Variants in SLC25A48 observed in about 807,000 individuals in gnomAD.
SLC25A48 encodes CTC-321K16.1.
Under a neutral mutation model 32.2 loss-of-function variants are expected in SLC25A48, and 29 were observed. The ratio of observed to expected loss-of-function variants is 0.90; its 90% CI spans 0.67 to 1.23. The LOEUF is 1.23. Among genes scored for constraint, SLC25A48 ranks in the 50% most tolerant of loss-of-function variants. The pLI is 0.00. For synonymous variants in SLC25A48, 164 were observed against 172.3 expected, an observed-to-expected ratio of 0.95 and a Z score of 0.38; for missense variants, 399 against 422.7, an observed-to-expected ratio of 0.94 and a Z score of 0.49.
At chr5:135,868,877 A>G (rs944146838) in intron 4 of SLC25A48, among the ~76,000 whole-genome samples, 27 of 152,304 alleles carry the variant, frequency 1.8e-4, no homozygotes, top group African/African-American at 6.3e-4. Context: ...CATCATACCC[A>G]TAGCTGATTC....
At chr5:135,585,864 T>C (rs2126872430) in intron 1 of SLC25A48, among the ~76,000 whole-genome samples, 1 of 152,296 alleles carries the variant, frequency 6.6e-6, no homozygotes, top group Admixed American at 6.5e-5. Flanking sequence ...ACATAGTAAG[T>C]GTTCCATAAA....
At chr5:135,832,448 C>T (rs922941559), upstream of SLC25A48, among the ~76,000 whole-genome samples, 5 of 152,084 alleles carry the variant, frequency 3.3e-5, no homozygotes, top group African/African-American at 1.2e-4. Flanking sequence ...GGCAGGTGGA[C>T]ATGGGGAGGG....
chr5:135,627,753 T>C (rs1037349374), intron 1 of SLC25A48, among the ~76,000 whole-genome samples: 1 of 112 alleles, frequency 8.9e-3, no homozygotes, highest in African/African-American at 0.025. Flanking sequence ...CATGTGCATA[T>C]ACAGGTATTT....
At chr5:135,816,811 G>T (rs1757731495) in intron 4 of SLC25A48, among the ~76,000 whole-genome samples, 1 of 152,124 alleles carries the variant, frequency 6.6e-6, no homozygotes, top group African/African-American at 2.4e-5. Flanking sequence ...AAGAGAAAGA[G>T]AACAAATGAG....
At chr5:135,873,794 C>T (rs1761847976) in intron 5 of SLC25A48, among the ~76,000 whole-genome samples, 1 of 152,194 alleles carries the variant, frequency 6.6e-6, no homozygotes, top group South Asian at 2.1e-4. Context: ...TACTGCCATC[C>T]CATTTTACAG....
intron 3 of SLC25A48, among the ~76,000 whole-genome samples, chr5:135,643,867 A>G (rs750177752): frequency 1.3e-4 from 20 of 152,180 alleles, no homozygotes; most frequent in Non-Finnish European, 2.6e-4. Context: ...GTTTAGCGCT[A>G]TGATTATCAT....
At chr5:135,878,657 A>G (rs1358156613) in intron 6 of SLC25A48, among the ~76,000 whole-genome samples, 1 of 152,140 alleles carries the variant, frequency 6.6e-6, no homozygotes, top group Non-Finnish European at 1.5e-5. Flanking sequence ...CTCTGATACC[A>G]CAGTGCCCAG....
At chr5:135,737,963 A>G (rs1375660208) in intron 3 of SLC25A48, among the ~76,000 whole-genome samples, 1 of 152,188 alleles carries the variant, frequency 6.6e-6, no homozygotes, top group African/African-American at 2.4e-5. Flanking sequence ...GCAGAGCGAC[A>G]TCATTGGAAA....
At chr5:135,733,715 C>A (rs763887050) in intron 3 of SLC25A48, among the ~76,000 whole-genome samples, 8 of 152,122 alleles carry the variant, frequency 5.3e-5, no homozygotes, top group Non-Finnish European at 1.5e-5. Flanking sequence ...GACCACACAG[C>A]CCTGCACTTC....
intron 7 of SLC25A48, among the ~76,000 whole-genome samples, chr5:135,885,164 A>G (rs921375723): frequency 2.0e-5 from 3 of 152,158 alleles, no homozygotes; most frequent in African/African-American, 4.8e-5. Context: ...TGAAACTGCT[A>G]TTGAAGGCCT....
chr5:135,745,533 C>T (rs995103470), intron 3 of SLC25A48, among the ~76,000 whole-genome samples: 5 of 152,060 alleles, frequency 3.3e-5, no homozygotes, highest in African/African-American at 1.2e-4. Context: ...GCAAGATTCC[C>T]TCTGGAAAAA....
At chr5:135,804,337 A>G (rs1432640702) in intron 3 of SLC25A48, among the ~76,000 whole-genome samples, 1 of 151,718 alleles carries the variant, frequency 6.6e-6, no homozygotes, top group Admixed American at 6.6e-5. Flanking sequence ...GGCGACATTA[A>G]GAGTAATATC....
At chr5:135,782,157 AG>A in intron 3 of SLC25A48, among the ~76,000 whole-genome samples, 1 of 115,720 alleles carries the variant, frequency 8.6e-6, no homozygotes, top group East Asian at 2.2e-4. Flanking sequence ...AATATCAAGG[AG>A]GGGAGACGAT....
intron 3 of SLC25A48, among the ~76,000 whole-genome samples, chr5:135,763,914 C>T (rs902149981): frequency 5.3e-5 from 8 of 152,156 alleles, no homozygotes; most frequent in African/African-American, 1.9e-4. Context: ...CGCTCTGCCG[C>T]CCAGGCTGAG....
chr5:135,703,345 G>T (rs1024678831), intron 3 of SLC25A48, among the ~76,000 whole-genome samples: 2 of 152,140 alleles, frequency 1.3e-5, no homozygotes, highest in Non-Finnish European at 2.9e-5. Flanking sequence ...AACCCCACAC[G>T]GCAGCCCAGT....
At chr5:135,754,451 A>G (rs181082115) in intron 3 of SLC25A48, among the ~76,000 whole-genome samples, 1 of 152,140 alleles carries the variant, frequency 6.6e-6, no homozygotes, top group Non-Finnish European at 1.5e-5. Flanking sequence ...TTAATGAAAT[A>G]TCACTCTGAT....
At chr5:135,620,770 G>C (rs1184117941) in intron 1 of SLC25A48, among the ~76,000 whole-genome samples, 1 of 152,108 alleles carries the variant, frequency 6.6e-6, no homozygotes, top group Non-Finnish European at 1.5e-5. Context: ...GAAAATCAGT[G>C]TGAGCTCCCT....
intron 1 of SLC25A48, among the ~76,000 whole-genome samples, chr5:135,615,585 T>C (rs1345099565): frequency 2.0e-5 from 3 of 152,282 alleles, no homozygotes; most frequent in African/African-American, 7.2e-5. Flanking sequence ...AACCAGAACT[T>C]ACATATTTAA....
intron 3 of SLC25A48, among the ~76,000 whole-genome samples, chr5:135,729,893 A>AATAAAAGGG (rs1755184501): frequency 1.3e-5 from 2 of 152,198 alleles, no homozygotes; most frequent in South Asian, 4.1e-4. Flanking sequence ...AGTAAAAATA[A>AATAAAAGGG]ATAAAAGGGG....
Sources: gnomAD v4.1 joint callset for allele counts (sites outside exome capture counted in the v4.1 genomes callset) on GRCh38, gnomAD v4.1.1 for gene constraint, MANE v1.5 for transcripts, NCBI Gene and HGNC (gene_info 2026-07-23, HGNC 2026-07-21) for gene names.